The following BSN variants were observed in gnomAD, a reference collection of about 807,000 sequenced individuals.
BSN encodes the protein bassoon presynaptic cytomatrix protein.
BSN carries 57 observed loss-of-function variants against 264.8 expected under a neutral mutation model. That is an observed-to-expected ratio of 0.22 (90% CI 0.17 to 0.27). The LOEUF is 0.27. Among genes scored for constraint, BSN ranks in the 10% least tolerant of loss-of-function variants. The pLI is 1.00. For missense variants in BSN, 4,615 were observed against 5,232.5 expected, an observed-to-expected ratio of 0.88 and a Z score of 3.64; for synonymous variants, 2,059 against 2,137.3, an observed-to-expected ratio of 0.96 and a Z score of 1.01.
chr3:49,657,399 G>C lies in BSN; in HGVS notation c.7843G>C (p.Asp2615His). The change falls in exon 5 of 12, where the codon GAC becomes CAC. Residue 2615 changes from aspartate (D) to histidine (H), a missense_variant. Around this residue, in one of 3 missense-constraint regions of BSN, gnomAD observed 3,415 missense variants for 3,866.4 expected, o/e 0.88. Coordinates refer to ENST00000296452, the MANE Select transcript of BSN (RefSeq NM_003458.4). ...GAGTGCTGACTGCAGTGTGCAGACGGACGACGAAGACAGTGCTGAGTGGGA... is the reference window on the plus strand; with the variant it reads ...GAGTGCTGACTGCAGTGTGCAGACGCACGACGAAGACAGTGCTGAGTGGGA... ...RRSADCSVQT[D>H]DEDSAEWEQP... The C allele has an allele frequency of 6.2e-7, 1 of 1,613,248 alleles. No homozygotes were observed. Among genetic ancestry groups the C allele is most frequent in the Non-Finnish European group, 8.5e-7 (1 of 1,180,028 alleles).
At chr3:49,580,585 T>C (rs2108015285) in intron 1 of BSN, among the ~76,000 whole-genome samples, 1 of 152,052 alleles carries the variant, frequency 6.6e-6, no homozygotes, top group East Asian at 1.9e-4. Flanking sequence ...CATCTCAGCC[T>C]CCCAAAGGGA....
At chr3:49,566,879 T>C (rs1010858664) in intron 1 of BSN, among the ~76,000 whole-genome samples, 4 of 150,402 alleles carry the variant, frequency 2.7e-5, no homozygotes, top group Non-Finnish European at 5.9e-5. Flanking sequence ...TTTTTTTGCC[T>C]GATGAATTTA....
chr3:49,554,715 C>T lies in BSN; in HGVS notation c.113C>T (p.Ser38Leu), dbSNP rs2051650456. Residue 38 changes from serine to leucine, a missense_variant, in exon 1 of 12, where the codon TCA (serine) becomes TTA (leucine). Physicochemically the swap from Ser to Leu is moderately radical, Grantham distance 145. This residue lies in a region of BSN where 1,197 missense variants were observed against 1,348.0 expected (regional missense o/e 0.89). Coordinates refer to ENST00000296452, the MANE Select transcript of BSN (RefSeq NM_003458.4). ...GPGPGAGKPP[S>L]APAGGGQLPA... ...GGCCCCGGCGCAGGAAAGCCGCCTT[C>T]AGCACCGGCCGGTGGCGGACAGCTC... The T allele has an allele frequency of 8.3e-7, 1 of 1,203,198 alleles. No homozygotes were observed. Among genetic ancestry groups the T allele is most frequent in the Non-Finnish European group, 1.0e-6 (1 of 965,880 alleles). The allele number at this position is 1,203,198 out of a possible 1,614,324, so 74.5% of individuals were successfully genotyped here.
At chr3:49,616,581 G>T (rs542192062) in intron 1 of BSN, among the ~76,000 whole-genome samples, 2 of 152,172 alleles carry the variant, frequency 1.3e-5, no homozygotes, top group African/African-American at 2.4e-5. Context: ...AACTGAAGGC[G>T]GTGGGGGGCA....
At position 49,554,639 on chromosome 3, in the gene BSN, G is replaced by T; in HGVS notation, c.37G>T (p.Asp13Tyr). 1.0e-6 allele frequency: 1 copy of T among 983,678 alleles called. No homozygotes were observed. The highest frequency in any genetic ancestry group is 1.2e-6 in the Non-Finnish European group (1 of 830,142). The allele number at this position is 983,678 out of a possible 1,614,324, so 60.9% of individuals were successfully genotyped here. The change falls in exon 1 of 12, where the codon GAC becomes TAC. Residue 13 changes from aspartate (D) to tyrosine (Y), a missense_variant. Around this residue, in one of 3 missense-constraint regions of BSN, gnomAD observed 1,197 missense variants for 1,348.0 expected, o/e 0.89. Coordinates refer to ENST00000296452, the MANE Select transcript of BSN (RefSeq NM_003458.4). ...NEVSLEGGAG[D>Y]GPLPPGGAGP... is the part of the protein sequence containing the mutation. The stretch of plus-strand genomic sequence containing the variant: ...GGTCAGCCTGGAGGGCGGCGCTGGC[G>T]ACGGGCCGCTGCCGCCCGGCGGCGC...
chr3:49,668,715 G>A lies in BSN; in HGVS notation c.*1230G>A, dbSNP rs2052730395. ...CTGCCAGCCAAGGGAAAGGCCCAGAGCCCTGTGCGGGGGAATGTGGCACTG... is the reference window on the plus strand; with the variant it reads ...CTGCCAGCCAAGGGAAAGGCCCAGAACCCTGTGCGGGGGAATGTGGCACTG... On this transcript the variant is annotated 3_prime_UTR_variant, in exon 12 of 12. Coordinates refer to ENST00000296452, the MANE Select transcript of BSN (RefSeq NM_003458.4). 6.5e-6 allele frequency: 1 copy of A among 152,706 alleles called. No individual in the cohort carries two copies. The highest frequency in any genetic ancestry group is 2.4e-5 in the African/African-American group (1 of 41,458). The allele number at this position is 152,706 out of a possible 1,614,324, so 9.5% of individuals were successfully genotyped here.
chr3:49,626,185 A>C (rs1043453079), intron 2 of BSN, among the ~76,000 whole-genome samples: 3 of 152,150 alleles, frequency 2.0e-5, no homozygotes, highest in African/African-American at 7.2e-5. Context: ...ATCGCTTTAA[A>C]ATGAACAGAG....
chr3:49,574,866 G>A (rs538473540), intron 1 of BSN, among the ~76,000 whole-genome samples: 34 of 151,828 alleles, frequency 2.2e-4, no homozygotes, highest in Non-Finnish European at 4.7e-4. Context: ...TTGAACTCCG[G>A]ACCTCAAGTG....
rs2051949331 is a variant in BSN, at chr3:49,587,932, T to TTTTCTTTTCTTTTC, written c.224+33109_224+33110insCTTTTCTTTTCTTT. On this transcript the variant is annotated intron_variant, in intron 1 of 11. Coordinates refer to ENST00000296452, the MANE Select transcript of BSN (RefSeq NM_003458.4). ...CTTTTCTTTTCTTTTCTTTTCTTTTTTTTTTTGAGACAAGAGTCTCGCTCT... is the reference window on the plus strand; with the variant it reads ...CTTTTCTTTTCTTTTCTTTTCTTTTTTTTCTTTTCTTTTCTTTTTTGAGACAAGAGTCTCGCTCT... Among the ~76,000 whole-genome samples, 8 of 8,386 alleles carry TTTTCTTTTCTTTTC rather than the reference T, an allele frequency of 9.5e-4. No individual in the cohort carries two copies. The East Asian group carries it at 0.039, about 41-fold the overall frequency. The allele number at this position is 8,386 out of a possible 152,430, so 5.5% of individuals were successfully genotyped here.
At chr3:49,562,321 C>A (rs1387262547) in intron 1 of BSN, among the ~76,000 whole-genome samples, 1 of 152,136 alleles carries the variant, frequency 6.6e-6, no homozygotes, top group Non-Finnish European at 1.5e-5. Flanking sequence ...GGATACCTAT[C>A]CCTGGGTGAA....
chr3:49,593,290 A>G (rs1421877269), intron 1 of BSN, among the ~76,000 whole-genome samples: 2 of 152,082 alleles, frequency 1.3e-5, no homozygotes, highest in Non-Finnish European at 2.9e-5. Flanking sequence ...AGTTTGTTCA[A>G]CCATTCACTG....
chr3:49,605,958 TATA>T (rs2052134417), intron 1 of BSN, among the ~76,000 whole-genome samples: 1 of 72,164 alleles, frequency 1.4e-5, no homozygotes, highest in South Asian at 4.4e-4. Context: ...TATATAAATA[TATA>T]ATAAAATATA....
At chr3:49,641,409 G>A (rs760094288) in intron 2 of BSN, among the ~76,000 whole-genome samples, 5 of 152,174 alleles carry the variant, frequency 3.3e-5, no homozygotes, top group Non-Finnish European at 4.4e-5. Flanking sequence ...ACCAGATAAC[G>A]TGGAGGGCTC....
rs769694967 is a variant in BSN at position 49,660,749 on chromosome 3, G to A, written c.8904G>A (p.Glu2968=). The A allele has an allele frequency of 1.8e-5, 29 of 1,613,094 alleles. No homozygotes were observed. The highest frequency in any genetic ancestry group is 2.3e-5 in the Non-Finnish European group (27 of 1,179,982). Residue 2968 remains glutamate (E), a synonymous_variant, in exon 6 of 12, where the codon GAG becomes GAA. Transcript: ENST00000296452. This position sits in a 1 kb window ranked among gnomAD's most constrained non-coding sequence, Gnocchi z 7.1. ...LRKKQAELDE[E]EKEIDAKLKY... is the part of the protein sequence containing the mutation. ...AGAAGCAGGCAGAGCTGGATGAGGA[G>A]GAGAAGGAGATTGACGCCAAGCTCA...
downstream of BSN, among the ~76,000 whole-genome samples, chr3:49,672,025 C>CTT (rs34710169): frequency 0.031 from 3,150 of 100,414 alleles, 97 homozygotes; most frequent in East Asian, 0.068. Context: ...GTTGCTAGAC[C>CTT]TTTTTTTTTT....
intron 1 of BSN, among the ~76,000 whole-genome samples, chr3:49,575,756 CT>C (rs2051841465): frequency 1.3e-5 from 2 of 151,124 alleles, no homozygotes; most frequent in Non-Finnish European, 2.9e-5. Context: ...TCCACTGCCC[CT>C]TTTTTTCTAG....
At chr3:49,556,891 T>G (rs1255043431) in intron 1 of BSN, among the ~76,000 whole-genome samples, 1 of 152,224 alleles carries the variant, frequency 6.6e-6, no homozygotes, top group Non-Finnish European at 1.5e-5. Context: ...AGTAAGATTT[T>G]GAATTTCGGG....
In BSN at chr3:49,585,122, A is replaced by G. The variant is rs1000179879; in HGVS notation, c.224+30296A>G. On this transcript the variant is annotated intron_variant, in intron 1 of 11. Coordinates refer to ENST00000296452, the MANE Select transcript of BSN (RefSeq NM_003458.4). This position sits in a 1 kb window ranked among gnomAD's most constrained non-coding sequence, Gnocchi z 4.7. ...ACTCAGGAGTGCAGATATCTCTTCAATATATTGATTTCCTTTCTTTTGGGT... is the reference window on the plus strand; with the variant it reads ...ACTCAGGAGTGCAGATATCTCTTCAGTATATTGATTTCCTTTCTTTTGGGT... Among the ~76,000 whole-genome samples the G allele has an allele frequency of 1.3e-5, 2 of 152,088 alleles. No homozygotes were observed. The highest frequency in any genetic ancestry group is 2.4e-5 in the African/African-American group (1 of 41,394).
rs200790413 is a variant in BSN at position 49,656,394 on chromosome 3, G to A, written c.6838G>A (p.Val2280Ile). Reference sequence around the variant, plus strand: ...CAGTGTTCCACCTGCAGAAGGGCCTGTCTATCTGGGGAAACCTGCTGCTGC... The same window carrying A: ...CAGTGTTCCACCTGCAGAAGGGCCTATCTATCTGGGGAAACCTGCTGCTGC... ...ASSVPPAEGP[V>I]YLGKPAAAKA... Residue 2280 changes from valine (V) to isoleucine (I), a missense_variant, in exon 5 of 12, where the codon GTC becomes ATC. Coordinates refer to ENST00000296452, the MANE Select transcript of BSN (RefSeq NM_003458.4). 21 of 1,592,498 alleles carry A rather than the reference G, an allele frequency of 1.3e-5. No homozygotes were observed. The highest frequency in any genetic ancestry group is 1.6e-5 in the Non-Finnish European group (19 of 1,168,502).
Sources: gnomAD v4.1 joint callset for allele counts (sites outside exome capture counted in the v4.1 genomes callset) on GRCh38, gnomAD v4.1.1 for gene constraint, gnomAD v4.1.1 regional missense constraint, Gnocchi (gnomAD v3.1) non-coding constraint, MANE v1.5 for transcripts, NCBI Gene and HGNC (gene_info 2026-07-23, HGNC 2026-07-21) for gene names.